The following ALKBH8 variants were observed in gnomAD, a reference collection of about 807,000 sequenced individuals.
The protein encoded by ALKBH8 is tRNA (carboxymethyluridine(34)-5-O)-methyltransferase ALKBH8.
Under a neutral mutation model 59.8 loss-of-function variants are expected in ALKBH8, and 36 were observed. That is an observed-to-expected ratio of 0.60 (90% CI 0.46 to 0.79). The LOEUF is 0.79. ALKBH8 is among the 30% of genes least tolerant of loss of function. ALKBH8 has a pLI of 0.00. For synonymous variants in ALKBH8, 276 were observed against 273.6 expected, an observed-to-expected ratio of 1.01 and a Z score of -0.09; for missense variants, 768 against 801.0, an observed-to-expected ratio of 0.96 and a Z score of 0.50.
intron 8 of ALKBH8, 83 bp from the exon 9 acceptor site, chr11:107,525,675 G>GA (rs1863322608): frequency 3.2e-6 from 3 of 936,292 alleles, no homozygotes; most frequent in Non-Finnish European, 4.3e-6. Flanking sequence ...AGTGAATAGA[G>GA]AAAATCTAGA....
chr11:107,557,265 A>T (rs1864757434), intron 2 of ALKBH8, among the ~76,000 whole-genome samples: 1 of 152,242 alleles, frequency 6.6e-6, no homozygotes, highest in Admixed American at 6.5e-5. Flanking sequence ...CTAAATGACC[A>T]TAAATGCAAA....
intron 10 of ALKBH8, among the ~76,000 whole-genome samples, chr11:107,516,356 G>C (rs1329008722): frequency 6.6e-6 from 1 of 152,116 alleles, no homozygotes; most frequent in Non-Finnish European, 1.5e-5. Context: ...TATTAATAAA[G>C]TCCAAGTCTT....
intron 7 of ALKBH8, among the ~76,000 whole-genome samples, chr11:107,536,661 G>T (rs1279532059): frequency 6.6e-6 from 1 of 152,156 alleles, no homozygotes; most frequent in Non-Finnish European, 1.5e-5. Flanking sequence ...TGAATGAAAG[G>T]TTCCAGCAGT....
intron 11 of ALKBH8, 87 bp downstream of exon 11, chr11:107,510,800 A>G: frequency 7.2e-7 from 1 of 1,393,156 alleles, no homozygotes; most frequent in Non-Finnish European, 9.7e-7. Flanking sequence ...CTGAAAAGCT[A>G]AAACAGGGTC....
At chr11:107,537,566 G>A (rs1334289015) in intron 7 of ALKBH8, among the ~76,000 whole-genome samples, 1 of 152,052 alleles carries the variant, frequency 6.6e-6, no homozygotes, top group East Asian at 1.9e-4. Flanking sequence ...AGGGGGTGGT[G>A]GGGGAAGGGA....
chr11:107,540,856 C>G (rs1051543351), intron 7 of ALKBH8, among the ~76,000 whole-genome samples: 1 of 152,088 alleles, frequency 6.6e-6, no homozygotes, highest in Non-Finnish European at 1.5e-5. Context: ...TTGTTACAGT[C>G]TGTCTAGTAA....
intron 2 of ALKBH8, among the ~76,000 whole-genome samples, chr11:107,559,016 T>C (rs1483749646): frequency 6.6e-6 from 1 of 152,224 alleles, no homozygotes; most frequent in African/African-American, 2.4e-5. Flanking sequence ...TGGGAAATAA[T>C]TGAATCATGG....
chr11:107,510,794 A>G (rs1862588338), intron 11 of ALKBH8, 93 bp downstream of exon 11: 2 of 1,328,082 alleles, frequency 1.5e-6, no homozygotes, highest in Non-Finnish European at 2.0e-6. Flanking sequence ...AAAGAACTGA[A>G]AAGCTAAAAC....
intron 8 of ALKBH8, among the ~76,000 whole-genome samples, chr11:107,529,141 C>G (rs1863471061): frequency 6.6e-6 from 1 of 152,168 alleles, no homozygotes; most frequent in Non-Finnish European, 1.5e-5. Flanking sequence ...CGACTTACTG[C>G]TTCGTGACTT....
chr11:107,560,778 G>GA lies in ALKBH8; in HGVS notation c.115dup (p.Ser39PhefsTer16). The GA allele has an allele frequency of 1.2e-6, 2 of 1,611,790 alleles. No individual in the cohort carries two copies. The highest frequency in any genetic ancestry group is 2.2e-5 in the South Asian group (2 of 90,750). On this transcript the variant is annotated frameshift_variant, in exon 2 of 12. Transcript: ENST00000428149. LOFTEE classifies it high-confidence loss of function. ...GTTTTAGGTCACCTGAGTGGCATAG[G>GA]ATACTGTCTCAATGCCTTCATGTCT...
chr11:107,562,261 T>C (rs1322177832), intron 1 of ALKBH8, among the ~76,000 whole-genome samples: 1 of 146,134 alleles, frequency 6.8e-6, no homozygotes, highest in African/African-American at 2.6e-5. Context: ...ATCATGCTAC[T>C]ACACTCCAGC....
rs188652906 is a variant in ALKBH8, at chr11:107,502,752, T to C, written c.*1906A>G. 6.6e-6 allele frequency: 1 copy of C among 152,342 alleles called. No homozygotes were observed. Among genetic ancestry groups the C allele is most frequent in the East Asian group, 1.9e-4 (1 of 5,190 alleles). 9.4% of individuals were successfully genotyped at this position (152,342 alleles called of 1,614,324 possible). ...TCAGTAAGAATATAGATTTTTATTA[T>C]ACAATTAACAAATTATATTTGGCAT... On this transcript the variant is annotated 3_prime_UTR_variant, in exon 12 of 12. Coordinates refer to ENST00000428149, the MANE Select transcript of ALKBH8 (RefSeq NM_138775.3).
At chr11:107,535,633 T>A (rs973653972) in intron 7 of ALKBH8, among the ~76,000 whole-genome samples, 2 of 152,180 alleles carry the variant, frequency 1.3e-5, no homozygotes, top group African/African-American at 4.8e-5. Context: ...ATTGAAATTC[T>A]TAACTTTATC....
rs199842631 is a variant in ALKBH8 at position 107,556,727 on chromosome 11, A to G, written c.367+39T>C. On this transcript the variant is annotated intron_variant, in intron 3 of 11. Transcript: ENST00000428149. ...TTAAGTCTATGAAAAGAAAACACCCAGAAGAATCATTTTTTAAAAGATAAT... is the reference window on the plus strand; with the variant it reads ...TTAAGTCTATGAAAAGAAAACACCCGGAAGAATCATTTTTTAAAAGATAAT... 7 of 1,297,832 alleles carry G rather than the reference A, an allele frequency of 5.4e-6. No individual in the cohort carries two copies. In the African/African-American group the frequency reaches 1.1e-4, roughly 20 times the overall value. 80.4% of individuals were successfully genotyped at this position (1,297,832 alleles called of 1,614,324 possible). A position where few individuals can be genotyped will look rare whatever the true frequency, so the allele number is the denominator to read the frequency against.
intron 7 of ALKBH8, among the ~76,000 whole-genome samples, chr11:107,547,442 T>C (rs1393559905): frequency 6.6e-6 from 1 of 152,216 alleles, no homozygotes; most frequent in Non-Finnish European, 1.5e-5. Context: ...TAAGGAGCCC[T>C]AGAACAGATA....
intron 3 of ALKBH8, among the ~76,000 whole-genome samples, chr11:107,554,930 G>A (rs1022180125): frequency 2.6e-5 from 4 of 152,198 alleles, no homozygotes; most frequent in Non-Finnish European, 5.9e-5. Flanking sequence ...TTGTTATTCA[G>A]TGCTGCCTGG....
intron 10 of ALKBH8, among the ~76,000 whole-genome samples, chr11:107,515,420 AAC>A (rs1384053661): frequency 6.6e-6 from 1 of 152,178 alleles, no homozygotes; most frequent in Non-Finnish European, 1.5e-5. Context: ...CAATGGCACA[AAC>A]ACAGCTCACT....
At chr11:107,549,727 G>A in intron 7 of ALKBH8, 26 bp downstream of exon 7, 2 of 1,470,056 alleles carry the variant, frequency 1.4e-6, no homozygotes, top group Non-Finnish European at 1.9e-6. Context: ...GATATATGAT[G>A]ATAGCTAATA....
At position 107,504,901 on chromosome 11, in the gene ALKBH8, C is replaced by A. The variant is rs1367765457; in HGVS notation, c.1752G>T (p.Arg584Ser). The A allele has an allele frequency of 6.4e-6, 10 of 1,551,738 alleles. No homozygotes were observed. Among genetic ancestry groups the A allele is most frequent in the Non-Finnish European group, 8.7e-6 (10 of 1,147,004 alleles). ...SNSKLPVHVNRTSFYSQDVLV... is the reference protein window; with the variant it reads ...SNSKLPVHVNSTSFYSQDVLV... ...GTACATCTTGAGAATAAAAAGAAGT[C>A]CTGTTAACATGAACAGGCAGCTTGG... The change falls in exon 12 of 12, where the codon AGG becomes AGT. Residue 584 changes from arginine (R) to serine (S), a missense_variant. Arg to Ser is a moderately radical substitution (Grantham distance 110). Transcript: ENST00000428149.
Sources: allele counts gnomAD v4.1 joint callset (sites outside exome capture counted in the v4.1 genomes callset), GRCh38; gene constraint gnomAD v4.1.1; transcripts MANE v1.5; gene names NCBI Gene and HGNC (gene_info 2026-07-23, HGNC 2026-07-21).